The following SHTN1 variants were observed in gnomAD, a reference collection of about 807,000 sequenced individuals.
The protein encoded by SHTN1 is shootin-1.
SHTN1 carries 42 observed loss-of-function variants against 83.1 expected under a neutral mutation model. The observed-to-expected ratio is 0.51, with a 90% confidence interval of 0.39 to 0.65. The LOEUF is 0.65. Ranked by LOEUF, SHTN1 falls within the 30% of genes least tolerant of loss-of-function variation. SHTN1 has a pLI of 0.00. For missense variants in SHTN1, 622 were observed against 737.8 expected, an observed-to-expected ratio of 0.84 and a Z score of 1.82; for synonymous variants, 224 against 247.7, an observed-to-expected ratio of 0.90 and a Z score of 0.90.
chr10:117,079,033 TTTTTA>T (rs932157239), intron 1 of SHTN1, among the ~76,000 whole-genome samples: 1 of 149,114 alleles, frequency 6.7e-6, no homozygotes, highest in African/African-American at 2.4e-5. Context: ...ATTTTTTTTA[TTTTTA>T]TTTATTTTTT....
At chr10:117,088,207 T>C (rs1223468865) in intron 1 of SHTN1, among the ~76,000 whole-genome samples, 3 of 152,210 alleles carry the variant, frequency 2.0e-5, no homozygotes, top group Non-Finnish European at 2.9e-5. Context: ...TGCAGAAAAC[T>C]GTACCTGGGT....
At chr10:116,957,256 C>CTTTTTT (rs374905540) in intron 4 of SHTN1, among the ~76,000 whole-genome samples, 4 of 135,170 alleles carry the variant, frequency 3.0e-5, no homozygotes, top group African/African-American at 5.4e-5. Context: ...TATCTTTTTA[C>CTTTTTT]TTTTTTTTTT....
intron 16 of SHTN1, chr10:116,900,319 G>T (rs1484565321): frequency 1.8e-6 from 1 of 569,274 alleles, no homozygotes; most frequent in Non-Finnish European, 3.1e-6. Context: ...GAACAAGCAA[G>T]ATGAGAAATA....
At chr10:117,107,599 A>G (rs910124688) in intron 1 of SHTN1, among the ~76,000 whole-genome samples, 2 of 152,222 alleles carry the variant, frequency 1.3e-5, no homozygotes, top group Non-Finnish European at 1.5e-5. Flanking sequence ...TTGAAGTACT[A>G]TAATATTAGG....
At chr10:116,938,490 T>C (rs1306772273) in intron 9 of SHTN1, among the ~76,000 whole-genome samples, 3 of 152,180 alleles carry the variant, frequency 2.0e-5, no homozygotes, top group Non-Finnish European at 2.9e-5. Flanking sequence ...GCATCATCAG[T>C]GGAGGCTGCA....
At chr10:116,924,784 G>A (rs893943000) in intron 11 of SHTN1, among the ~76,000 whole-genome samples, 2 of 117,638 alleles carry the variant, frequency 1.7e-5, no homozygotes, top group African/African-American at 6.4e-5. Context: ...TTGAGATGGA[G>A]TCTCGCTCTG....
At chr10:117,022,067 C>A (rs939309316) in intron 2 of SHTN1, among the ~76,000 whole-genome samples, 2 of 152,124 alleles carry the variant, frequency 1.3e-5, no homozygotes, top group African/African-American at 4.8e-5. Context: ...ATCATTAATT[C>A]CTGCTTGAGT....
intron 14 of SHTN1, among the ~76,000 whole-genome samples, chr10:116,909,101 C>A (rs1388279009): frequency 2.6e-5 from 4 of 152,174 alleles, no homozygotes; most frequent in African/African-American, 9.7e-5. Context: ...ACATATAATT[C>A]CTTCACTTTA....
chr10:116,914,612 GGAA>G (rs953539891), intron 13 of SHTN1, among the ~76,000 whole-genome samples: 16 of 152,242 alleles, frequency 1.1e-4, no homozygotes, highest in African/African-American at 3.6e-4. Context: ...AGAAGGCGAA[GGAA>G]GAAGAGGAAG....
At chr10:117,004,966 GC>G (rs1251209167) in intron 1 of SHTN1, 55 bp downstream of exon 1, 2 of 1,519,274 alleles carry the variant, frequency 1.3e-6, no homozygotes, top group Non-Finnish European at 1.8e-6. Flanking sequence ...GCGCCCTGGG[GC>G]CGTCCCCGCC....
At chr10:117,104,200 G>C (rs1312364604) in intron 1 of SHTN1, among the ~76,000 whole-genome samples, 1 of 151,974 alleles carries the variant, frequency 6.6e-6, no homozygotes, top group East Asian at 1.9e-4. Flanking sequence ...CGTTGTGTTA[G>C]AGTTTATTTT....
At position 116,881,532 on chromosome 10, in the gene SHTN1, ACTTT is replaced by A. The variant is rs1247202475; in HGVS notation, c.*4808_*4811del. The A allele has an allele frequency of 3.2e-6, 5 of 1,544,064 alleles. No homozygotes were observed. Among genetic ancestry groups the A allele is most frequent in the South Asian group, 1.2e-5 (1 of 82,910 alleles). On this transcript the variant is annotated 3_prime_UTR_variant, in exon 17 of 17. Transcript: ENST00000355371. ...TTAAATAGGTTTCAAAGAAGAACAC[ACTTT>A]TTTTTACTTTAATGAGGAAGCTGAA...
At chr10:117,107,244 A>C (rs1010252323) in intron 1 of SHTN1, among the ~76,000 whole-genome samples, 1 of 152,182 alleles carries the variant, frequency 6.6e-6, no homozygotes, top group African/African-American at 2.4e-5. Flanking sequence ...ATAGATGAGG[A>C]AACAGTTTTG....
At chr10:116,932,203 C>G (rs1035394659) in intron 9 of SHTN1, among the ~76,000 whole-genome samples, 1 of 152,162 alleles carries the variant, frequency 6.6e-6, no homozygotes, top group South Asian at 2.1e-4. Context: ...TACTCTAGAG[C>G]AGGGTTCCCC....
At chr10:116,995,277 A>G (rs546077501) in intron 1 of SHTN1, among the ~76,000 whole-genome samples, 1 of 152,158 alleles carries the variant, frequency 6.6e-6, no homozygotes. Context: ...CAGGTCTCTG[A>G]TAACTTTAAG....
At chr10:116,961,689 C>T (rs1850190330) in intron 3 of SHTN1, among the ~76,000 whole-genome samples, 1 of 152,100 alleles carries the variant, frequency 6.6e-6, no homozygotes, top group South Asian at 2.1e-4. Context: ...ACACGTTAAG[C>T]GTAATTACTG....
chr10:116,952,406 A>G (rs1221883742), intron 5 of SHTN1, among the ~76,000 whole-genome samples: 4 of 152,174 alleles, frequency 2.6e-5, no homozygotes, highest in African/African-American at 9.7e-5. Flanking sequence ...AAATATAAAC[A>G]ATTGGGATGT....
intron 2 of SHTN1, among the ~76,000 whole-genome samples, chr10:117,014,559 C>T (rs1852153599): frequency 6.6e-6 from 1 of 152,124 alleles, no homozygotes; most frequent in African/African-American, 2.4e-5. Flanking sequence ...TCAAACTACT[C>T]TACATGTAGG....
At chr10:117,100,657 G>A (rs1490593568) in intron 1 of SHTN1, among the ~76,000 whole-genome samples, 5 of 152,242 alleles carry the variant, frequency 3.3e-5, no homozygotes, top group East Asian at 3.9e-4. Flanking sequence ...AGGCTGAAAG[G>A]TTACACTGTG....
Sources: gnomAD v4.1 joint callset for allele counts (sites outside exome capture counted in the v4.1 genomes callset) on GRCh38, gnomAD v4.1.1 for gene constraint, MANE v1.5 for transcripts, NCBI Gene and HGNC (gene_info 2026-07-23, HGNC 2026-07-21) for gene names.